The following KISS1 variants were observed in gnomAD, a reference collection of about 807,000 sequenced individuals.
The protein encoded by KISS1 is KiSS-1 metastasis suppressor.
For synonymous variants in KISS1, 97 were observed against 88.7 expected (o/e 1.09, Z -0.52); for missense variants, 182 against 182.7 (o/e 1.00, Z 0.02).
intron 1 of KISS1, among the ~76,000 whole-genome samples, chr1:204,195,544 T>C (rs1368586990): frequency 1.4e-5 from 2 of 140,566 alleles, no homozygotes; most frequent in Non-Finnish European, 3.1e-5. Context: ...CACACAGATA[T>C]ATACCCATAC....
Position 204,190,499 on chromosome 1 carries a change from G to A in KISS1, c.402C>T (p.Ser134=). ...ACCTGCGCCCTCAGCCCCGCCCAGCGCTTCTGCCGTGGTTCCCTGGTGCCG... is the reference window on the plus strand; with the variant it reads ...ACCTGCGCCCTCAGCCCCGCCCAGCACTTCTGCCGTGGTTCCCTGGTGCCG... ...REAAPGNHGR[S]AGRG is the part of the protein sequence containing the mutation. Residue 134 remains serine, a synonymous_variant, in exon 3 of 3, where the codon AGC becomes AGT. Transcript: ENST00000367194. The A allele has an allele frequency of 1.3e-6, 2 of 1,528,598 alleles. No individual in the cohort carries two copies. Among genetic ancestry groups the A allele is most frequent in the Non-Finnish European group, 1.8e-6 (2 of 1,133,778 alleles). The allele number at this position is 1,528,598 out of a possible 1,614,324, so 94.7% of individuals were successfully genotyped here.
chr1:204,190,431 C>CCCCAA lies in KISS1; in HGVS notation c.*52_*53insTTGGG. On this transcript the variant is annotated 3_prime_UTR_variant, in exon 3 of 3. Coordinates refer to ENST00000367194, the MANE Select transcript of KISS1 (RefSeq NM_002256.4). The stretch of plus-strand genomic sequence containing the variant: ...ACGTCCCCGCCCCCCGCCCCCGCCC[C>CCCCAA]GCATGCTCTGACTCCTTTGGGGTCT... 8.8e-7 allele frequency: 1 copy of CCCCAA among 1,130,810 alleles called. No homozygotes were observed. Among genetic ancestry groups the CCCCAA allele is most frequent in the Non-Finnish European group, 1.3e-6 (1 of 780,998 alleles). 70.0% of individuals were successfully genotyped at this position (1,130,810 alleles called of 1,614,324 possible).
In KISS1 at chr1:204,192,710, G is replaced by A. The variant is rs755701466; in HGVS notation, c.103+64C>T. 1.2e-4 allele frequency: 119 copies of A among 980,474 alleles called. No individual in the cohort carries two copies. The highest frequency in any genetic ancestry group is 1.5e-4 in the Non-Finnish European group (92 of 624,174). 60.7% of individuals were successfully genotyped at this position (980,474 alleles called of 1,614,324 possible). A position where few individuals can be genotyped will look rare whatever the true frequency, so the allele number is the denominator to read the frequency against. ...CACCAGTCGACTAGATGGAAAATACGGGAAAGCTCATTTTGCAACAACCCA... is the reference window on the plus strand; with the variant it reads ...CACCAGTCGACTAGATGGAAAATACAGGAAAGCTCATTTTGCAACAACCCA... On this transcript the variant is annotated intron_variant, in intron 2 of 2. Transcript: ENST00000367194. This position sits in a 1 kb window ranked among gnomAD's most constrained non-coding sequence, Gnocchi z 4.2.
At chr1:204,195,400 C>T (rs1361966427) in intron 1 of KISS1, among the ~76,000 whole-genome samples, 1 of 103,316 alleles carries the variant, frequency 9.7e-6, no homozygotes, top group Non-Finnish European at 2.0e-5. Context: ...GCACACACAC[C>T]ACACACGCAC....
At position 204,192,781 on chromosome 1, in the gene KISS1, T is replaced by C. The variant is rs1411754888; in HGVS notation, c.96A>G (p.Arg32=). ...LEKVASVGNS[R]PTGQQLESLG... is the part of the protein sequence containing the mutation. The stretch of plus-strand genomic sequence containing the variant: ...TCCCCAGAGGATACATACCTGTGGG[T>C]CTAGAATTCCCCACAGAGGCCACCT... Residue 32 remains arginine (R), a synonymous_variant, in exon 2 of 3, where the codon AGA becomes AGG. Transcript: ENST00000367194. The surrounding 1 kb of genome is among the most constrained non-coding windows in gnomAD (Gnocchi z 4.2). 6.3e-7 allele frequency: 1 copy of C among 1,586,920 alleles called. No homozygotes were observed. Among genetic ancestry groups the C allele is most frequent in the Non-Finnish European group, 8.6e-7 (1 of 1,161,736 alleles).
Position 204,192,301 on chromosome 1 carries a change from A to G in KISS1, c.103+473T>C, listed in dbSNP as rs1658757571. Reference sequence around the variant, plus strand: ...ATCTCTTTACCTCTGTGGGTCTCAAATTTTCCAGCTTATCAGTTCCCCAAT... The same window carrying G: ...ATCTCTTTACCTCTGTGGGTCTCAAGTTTTCCAGCTTATCAGTTCCCCAAT... On this transcript the variant is annotated intron_variant, in intron 2 of 2. Transcript: ENST00000367194. The surrounding 1 kb of genome is among the most constrained non-coding windows in gnomAD (Gnocchi z 4.2). Among the ~76,000 whole-genome samples, 1 of 151,392 alleles carries G rather than the reference A, an allele frequency of 6.6e-6. No individual in the cohort carries two copies. Among genetic ancestry groups the G allele is most frequent in the Non-Finnish European group, 1.5e-5 (1 of 67,968 alleles).
At chr1:204,195,206 T>TC (rs1571667422) in intron 1 of KISS1, among the ~76,000 whole-genome samples, 135 of 13,104 alleles carry the variant, frequency 0.01, no homozygotes, top group Middle Eastern at 0.1. Flanking sequence ...ACCACACACA[T>TC]ATATACGCAC....
chr1:204,194,858 C>A (rs963290174), intron 1 of KISS1, among the ~76,000 whole-genome samples: 1 of 152,054 alleles, frequency 6.6e-6, no homozygotes, highest in Non-Finnish European at 1.5e-5. Flanking sequence ...GAGGATGGAG[C>A]TTTGCATGGA....
chr1:204,190,900 T>G (rs1192160761), intron 2 of KISS1, 103 bp from the exon 3 acceptor site: 1 of 1,058,972 alleles, frequency 9.4e-7, no homozygotes, highest in African/African-American at 1.6e-5. Flanking sequence ...CCTTGACCTT[T>G]TGGAAGCTCG....
chr1:204,192,789 T>TC lies in KISS1; in HGVS notation c.87dup (p.Asn30GlufsTer3). ...GGATACATACCTGTGGGTCTAGAAT[T>TC]CCCCACAGAGGCCACCTTTTCTAAT... On this transcript the variant is annotated frameshift_variant, in exon 2 of 3. Coordinates refer to ENST00000367194, the MANE Select transcript of KISS1 (RefSeq NM_002256.4). LOFTEE classifies it low-confidence loss of function (END_TRUNC). The surrounding 1 kb of genome is among the most constrained non-coding windows in gnomAD (Gnocchi z 4.2). 1 of 1,594,392 alleles carries TC rather than the reference T, an allele frequency of 6.3e-7. No homozygotes were observed. The highest frequency in any genetic ancestry group is 8.6e-7 in the Non-Finnish European group (1 of 1,167,574).
intron 2 of KISS1, among the ~76,000 whole-genome samples, chr1:204,191,355 C>T (rs983950392): frequency 6.6e-6 from 1 of 151,380 alleles, no homozygotes; most frequent in African/African-American, 2.4e-5. Context: ...ACCACCCACC[C>T]CCCCAACCCC....
Position 204,190,604 on chromosome 1 carries a change from G to A in KISS1, c.297C>T (p.Gly99=). Residue 99 remains glycine (G), a synonymous_variant, in exon 3 of 3, where the codon GGC becomes GGT. Coordinates refer to ENST00000367194, the MANE Select transcript of KISS1 (RefSeq NM_002256.4). The part of the protein sequence containing the change: ...PHSRQIPAPQ[G]AVLVQREKDL... The stretch of plus-strand genomic sequence containing the variant: ...CCTTCTCCCGCTGCACCAGCACCGC[G>A]CCCTGGGGTGCGGGGATCTGGCGGC... 1 of 1,591,984 alleles carries A rather than the reference G, an allele frequency of 6.3e-7. No individual in the cohort carries two copies.
chr1:204,192,964 T>C lies in KISS1; in HGVS notation c.-38-50A>G. ...ACTAGGTCAGGCACAGGATCTGGGC[T>C]GGGTGCTGAGGGCAGAGCCCAGTGC... On this transcript the variant is annotated intron_variant, in intron 1 of 2. Transcript: ENST00000367194. The surrounding 1 kb of genome is among the most constrained non-coding windows in gnomAD (Gnocchi z 4.2). 1.0e-6 allele frequency: 1 copy of C among 955,822 alleles called. No homozygotes were observed. The highest frequency in any genetic ancestry group is 2.6e-5 in the East Asian group (1 of 38,114). The allele number at this position is 955,822 out of a possible 1,614,324, so 59.2% of individuals were successfully genotyped here.
rs1464912138 is a variant in KISS1, at chr1:204,196,470, G to C, written c.-133C>G. The C allele has an allele frequency of 1.7e-5, 2 of 118,362 alleles. No individual in the cohort carries two copies. Among genetic ancestry groups the C allele is most frequent in the Non-Finnish European group, 3.2e-5 (2 of 62,904 alleles). The allele number at this position is 118,362 out of a possible 1,614,324, so 7.3% of individuals were successfully genotyped here. On this transcript the variant is annotated 5_prime_UTR_variant, in exon 1 of 3. Coordinates refer to ENST00000367194, the MANE Select transcript of KISS1 (RefSeq NM_002256.4). ...GAATGTCCAGAGGGTGGGCAGCTGG[G>C]CTCCCGGTCTCAAGAGTTCTCCCCA...
Position 204,190,409 on chromosome 1 carries a change from TCCCC to T in KISS1, c.*71_*74del. The T allele has an allele frequency of 3.7e-5, 21 of 570,098 alleles. No individual in the cohort carries two copies. Among genetic ancestry groups the T allele is most frequent in the Non-Finnish European group, 5.9e-5 (19 of 320,556 alleles). 35.3% of individuals were successfully genotyped at this position (570,098 alleles called of 1,614,324 possible). A position where few individuals can be genotyped will look rare whatever the true frequency, so the allele number is the denominator to read the frequency against. The stretch of plus-strand genomic sequence containing the variant: ...CAGCGCCCCCTCCCTTAGCCCTACG[TCCCC>T]GCCCCCCGCCCCCGCCCCGCATGCT... On this transcript the variant is annotated 3_prime_UTR_variant, in exon 3 of 3. Coordinates refer to ENST00000367194, the MANE Select transcript of KISS1 (RefSeq NM_002256.4).
rs768593778 is a variant in KISS1, at chr1:204,190,686, G to A, written c.215C>T (p.Ser72Phe). Residue 72 changes from serine (S) to phenylalanine (F), a missense_variant, in exon 3 of 3, where the codon TCC (serine) becomes TTC (phenylalanine). By Grantham distance (155) the Ser-to-Phe change is radical (BLOSUM62 -2). Coordinates refer to ENST00000367194, the MANE Select transcript of KISS1 (RefSeq NM_002256.4). ...ARLSRRGTSL[S>F]PPPESSGSPQ... ...GCTCCCGGAGCTCTCGGGGGGCGGG[G>A]ACAGCGAGGTCCCCCGACGGCTCAG... The A allele has an allele frequency of 1.2e-5, 19 of 1,595,862 alleles. No individual in the cohort carries two copies. In the South Asian group the frequency reaches 1.8e-4, roughly 15 times the overall value.
At chr1:204,193,351 C>G (rs1658780568) in intron 1 of KISS1, among the ~76,000 whole-genome samples, 1 of 152,100 alleles carries the variant, frequency 6.6e-6, no homozygotes, top group African/African-American at 2.4e-5. Context: ...CTTCAGGGCA[C>G]TGAGTGGGGA....
At position 204,190,416 on chromosome 1, in the gene KISS1, C is replaced by CCT. The variant is rs1553307873; in HGVS notation, c.*67_*68insAG. On this transcript the variant is annotated 3_prime_UTR_variant, in exon 3 of 3. Coordinates refer to ENST00000367194, the MANE Select transcript of KISS1 (RefSeq NM_002256.4). ...CCCTCCCTTAGCCCTACGTCCCCGC[C>CCT]CCCCGCCCCCGCCCCGCATGCTCTG... The CCT allele has an allele frequency of 2.5e-5, 15 of 606,966 alleles. No homozygotes were observed. The highest frequency in any genetic ancestry group is 4.2e-5 in the Non-Finnish European group (14 of 337,298). 37.6% of individuals were successfully genotyped at this position (606,966 alleles called of 1,614,324 possible).
chr1:204,193,530 A>G (rs1043146905), intron 1 of KISS1, among the ~76,000 whole-genome samples: 1 of 152,146 alleles, frequency 6.6e-6, no homozygotes, highest in Non-Finnish European at 1.5e-5. Context: ...TTTTTCTTTT[A>G]TAAGGAAAAA....
Sources: allele counts gnomAD v4.1 joint callset (sites outside exome capture counted in the v4.1 genomes callset), GRCh38; gene constraint gnomAD v4.1.1; non-coding constraint Gnocchi (gnomAD v3.1); transcripts MANE v1.5; gene names NCBI Gene and HGNC (gene_info 2026-07-23, HGNC 2026-07-21).